PHACTR4: variants seen among roughly 807,000 people sequenced by gnomAD.
PHACTR4 encodes the protein phosphatase and actin regulator 4.
A neutral mutation model predicts 72.7 loss-of-function variants in PHACTR4; 51 were observed. The observed-to-expected ratio is 0.70, with a 90% CI of 0.56 to 0.89. PHACTR4 has a LOEUF of 0.89. Ranked by LOEUF, PHACTR4 falls within the 40% of genes least tolerant of loss-of-function variation. The pLI, the probability that PHACTR4 is intolerant of heterozygous loss-of-function variation, is 0.00. For synonymous variants in PHACTR4, 255 were observed against 302.5 expected (o/e 0.84, Z 1.63); for missense variants, 731 against 861.8 (o/e 0.85, Z 1.90).
chr1:28,389,477 CTTTTTTT>C (rs557958697), intron 1 of PHACTR4, among the ~76,000 whole-genome samples: 1 of 129,828 alleles, frequency 7.7e-6, no homozygotes, highest in South Asian at 2.3e-4. Flanking sequence ...TTGTATACTA[CTTTTTTT>C]TTTTTTTTTT....
At chr1:28,432,208 C>CA (rs757327844) in intron 2 of PHACTR4, among the ~76,000 whole-genome samples, 44 of 143,672 alleles carry the variant, frequency 3.1e-4, no homozygotes, top group South Asian at 1.3e-3. Flanking sequence ...GACTCTGTAT[C>CA]AAAAAAAAAA....
chr1:28,420,585 G>A (rs1655447135), intron 2 of PHACTR4, among the ~76,000 whole-genome samples: 1 of 152,110 alleles, frequency 6.6e-6, no homozygotes, highest in African/African-American at 2.4e-5. Context: ...ACTAATACAA[G>A]CCATGATTGT....
intron 2 of PHACTR4, chr1:28,454,027 G>A (rs1658178000): frequency 2.7e-6 from 1 of 371,120 alleles, no homozygotes; most frequent in Admixed American, 3.8e-5. Flanking sequence ...ACCAGCCTGG[G>A]CAAGATAGCA....
intron 2 of PHACTR4, among the ~76,000 whole-genome samples, chr1:28,452,962 T>TA (rs1658085267): frequency 6.6e-6 from 1 of 151,904 alleles, no homozygotes; most frequent in African/African-American, 2.4e-5. Flanking sequence ...CTACTAAAAA[T>TA]ACAAAAGTTA....
chr1:28,399,976 G>A (rs1372560870), intron 1 of PHACTR4, among the ~76,000 whole-genome samples: 1 of 152,172 alleles, frequency 6.6e-6, no homozygotes. Context: ...AGAAACAATA[G>A]TAAGCTCAGT....
At chr1:28,486,777 T>C (rs1433632402) in intron 9 of PHACTR4, among the ~76,000 whole-genome samples, 1 of 151,806 alleles carries the variant, frequency 6.6e-6, no homozygotes, top group African/African-American at 2.4e-5. Flanking sequence ...GGCAATCACT[T>C]GAACCCAGGA....
chr1:28,395,140 A>T (rs4908419), intron 1 of PHACTR4, among the ~76,000 whole-genome samples: 58,477 of 151,596 alleles, frequency 0.39, 12,966 homozygotes, highest in African/African-American at 0.6. Context: ...CTCAAACTCC[A>T]GACCTCAGGT....
chr1:28,450,093 A>G (rs1253189306), intron 2 of PHACTR4, among the ~76,000 whole-genome samples: 1 of 152,034 alleles, frequency 6.6e-6, no homozygotes, highest in Non-Finnish European at 1.5e-5. Flanking sequence ...TCCAAACTGT[A>G]ATTTGGTTAG....
chr1:28,407,951 T>C (rs1032251831), intron 2 of PHACTR4, among the ~76,000 whole-genome samples: 9 of 151,840 alleles, frequency 5.9e-5, no homozygotes, highest in Non-Finnish European at 1.2e-4. Flanking sequence ...AAACCCCGTC[T>C]CTACTAAAAA....
intron 6 of PHACTR4, among the ~76,000 whole-genome samples, chr1:28,471,963 G>A (rs1034674028): frequency 1.3e-5 from 2 of 152,014 alleles, no homozygotes; most frequent in African/African-American, 4.8e-5. Flanking sequence ...TGTAATCCCA[G>A]CACTTTGGGA....
At chr1:28,372,243 G>A (rs900707020) in intron 1 of PHACTR4, among the ~76,000 whole-genome samples, 4 of 152,088 alleles carry the variant, frequency 2.6e-5, no homozygotes, top group African/African-American at 9.7e-5. Flanking sequence ...AGGTTAATTC[G>A]TGTTTCAAGT....
chr1:28,460,662 C>A (rs191966266), intron 4 of PHACTR4, among the ~76,000 whole-genome samples: 80 of 152,304 alleles, frequency 5.3e-4, no homozygotes, highest in Non-Finnish European at 1.0e-3. Context: ...GCACCTGTCA[C>A]CACCCCCAGC....
In PHACTR4 at chr1:28,497,066, TA is replaced by T; in HGVS notation, c.*518del. The T allele has an allele frequency of 5.6e-6, 1 of 179,732 alleles. No homozygotes were observed. The highest frequency in any genetic ancestry group is 1.3e-4 in the South Asian group (1 of 7,896). 11.1% of individuals were successfully genotyped at this position (179,732 alleles called of 1,614,324 possible). A position where few individuals can be genotyped will look rare whatever the true frequency, so the allele number is the denominator to read the frequency against. On this transcript the variant is annotated 3_prime_UTR_variant, in exon 14 of 14. Coordinates refer to ENST00000373839, the MANE Select transcript of PHACTR4 (RefSeq NM_001048183.3). Reference sequence around the variant, plus strand: ...GGAAAGCCTTCTTACCACACTGGCATATCAGATGAAAGCATTGCACTGTACC... The same window carrying T: ...GGAAAGCCTTCTTACCACACTGGCATTCAGATGAAAGCATTGCACTGTACC...
chr1:28,485,189 G>A (rs1239412289), intron 9 of PHACTR4, among the ~76,000 whole-genome samples: 2 of 152,082 alleles, frequency 1.3e-5, no homozygotes, highest in Non-Finnish European at 2.9e-5. Flanking sequence ...CAGGGGCTCG[G>A]GATTGAAGGC....
At chr1:28,375,333 A>C (rs866062957) in intron 1 of PHACTR4, among the ~76,000 whole-genome samples, 4,006 of 17,142 alleles carry the variant, frequency 0.23, 84 homozygotes, top group Non-Finnish European at 0.28. Context: ...CCACCCCCCC[A>C]AAAAAAAAAC....
intron 2 of PHACTR4, among the ~76,000 whole-genome samples, chr1:28,453,090 G>T (rs137930234): frequency 2.6e-5 from 4 of 152,162 alleles, no homozygotes; most frequent in African/African-American, 4.8e-5. Context: ...TTGCACTCCA[G>T]CCTGGGCAAC....
chr1:28,428,056 C>T (rs1408513020), intron 2 of PHACTR4, among the ~76,000 whole-genome samples: 1 of 152,118 alleles, frequency 6.6e-6, no homozygotes, highest in Non-Finnish European at 1.5e-5. Context: ...TTCTTTGAAC[C>T]ATTATTTAAA....
At chr1:28,488,031 C>A (rs1660811912) in intron 9 of PHACTR4, among the ~76,000 whole-genome samples, 1 of 151,902 alleles carries the variant, frequency 6.6e-6, no homozygotes. Context: ...AGCCACCACA[C>A]CTGGCCAACA....
chr1:28,392,929 A>T (rs1404065595), intron 1 of PHACTR4, among the ~76,000 whole-genome samples: 2 of 152,208 alleles, frequency 1.3e-5, no homozygotes, highest in Non-Finnish European at 2.9e-5. Flanking sequence ...AGAAGTTACA[A>T]TCACAGTGCA....
Sources: gnomAD v4.1 joint callset for allele counts (sites outside exome capture counted in the v4.1 genomes callset) on GRCh38, gnomAD v4.1.1 for gene constraint, MANE v1.5 for transcripts, NCBI Gene and HGNC (gene_info 2026-07-23, HGNC 2026-07-21) for gene names.